GRID2: variants seen among roughly 807,000 people sequenced by gnomAD.
GRID2 encodes the protein glutamate receptor ionotropic, delta-2.
In GRID2, 33 loss-of-function variants were observed where a neutral mutation model predicts 114.8. The ratio of observed to expected loss-of-function variants is 0.29; its 90% CI spans 0.22 to 0.38. The LOEUF (loss-of-function observed/expected upper bound fraction) is 0.38, where lower values mean the gene tolerates loss of function less well. Ranked by LOEUF, GRID2 falls within the 10% of genes least tolerant of loss-of-function variation. GRID2 has a pLI of 1.00. For synonymous variants in GRID2, 505 were observed against 449.9 expected, an observed-to-expected ratio of 1.12 and a Z score of -1.55; for missense variants, 1,184 against 1,257.7, an observed-to-expected ratio of 0.94 and a Z score of 0.89.
intron 2 of GRID2, among the ~76,000 whole-genome samples, chr4:92,630,081 T>G (rs781314442): frequency 1.3e-5 from 2 of 152,068 alleles, no homozygotes; most frequent in African/African-American, 2.4e-5. Flanking sequence ...TGGAAACATT[T>G]CTGCACTCAA....
chr4:93,222,446 CT>C (rs938414451), intron 6 of GRID2, among the ~76,000 whole-genome samples: 7 of 150,166 alleles, frequency 4.7e-5, no homozygotes, highest in South Asian at 2.1e-4. Context: ...CCCCAACAAT[CT>C]TTTTTTTAAA....
intron 3 of GRID2, among the ~76,000 whole-genome samples, chr4:93,108,981 G>T (rs977869903): frequency 2.0e-5 from 3 of 152,172 alleles, no homozygotes; most frequent in African/African-American, 7.2e-5. Flanking sequence ...CCAAGCTTGT[G>T]TATTTTTGAT....
intron 4 of GRID2, among the ~76,000 whole-genome samples, chr4:93,131,020 A>T (rs1019455681): frequency 6.6e-6 from 1 of 152,158 alleles, no homozygotes; most frequent in Non-Finnish European, 1.5e-5. Flanking sequence ...TAACTAAACA[A>T]AAATTTCTTA....
intron 1 of GRID2, among the ~76,000 whole-genome samples, chr4:92,367,603 A>G (rs761749360): frequency 1.3e-5 from 2 of 152,104 alleles, no homozygotes; most frequent in African/African-American, 2.4e-5. Flanking sequence ...ATTGGGCAGA[A>G]AGGGCAAGTT....
chr4:92,648,424 A>G (rs1731753015), intron 2 of GRID2, among the ~76,000 whole-genome samples: 1 of 149,326 alleles, frequency 6.7e-6, no homozygotes, highest in East Asian at 1.9e-4. Context: ...ACCTCTCCAC[A>G]TTATTTCACA....
intron 4 of GRID2, among the ~76,000 whole-genome samples, chr4:93,167,901 A>G (rs979184179): frequency 6.6e-6 from 1 of 152,082 alleles, no homozygotes; most frequent in Non-Finnish European, 1.5e-5. Flanking sequence ...TATAAATATA[A>G]ACATATATAT....
At chr4:92,636,502 C>A (rs915356107) in intron 2 of GRID2, among the ~76,000 whole-genome samples, 2 of 152,034 alleles carry the variant, frequency 1.3e-5, no homozygotes, top group Non-Finnish European at 2.9e-5. Context: ...TTTGTTCTCC[C>A]TCTATCCATC....
intron 13 of GRID2, among the ~76,000 whole-genome samples, chr4:93,590,759 G>C (rs1738179988): frequency 6.6e-6 from 1 of 151,992 alleles, no homozygotes; most frequent in Non-Finnish European, 1.5e-5. Flanking sequence ...TCTCCTTGAA[G>C]AGGTCCTTCA....
intron 3 of GRID2, among the ~76,000 whole-genome samples, chr4:93,109,644 A>G (rs1025821922): frequency 9.2e-5 from 14 of 152,272 alleles, no homozygotes; most frequent in African/African-American, 3.4e-4. Context: ...TAAGTTCCCT[A>G]CAATCCCATT....
chr4:93,352,702 C>T (rs1760923086), intron 8 of GRID2, among the ~76,000 whole-genome samples: 1 of 151,962 alleles, frequency 6.6e-6, no homozygotes, highest in Admixed American at 6.6e-5. Context: ...AATATTTATC[C>T]ATGGGCAACA....
At chr4:93,226,290 G>A (rs528033494) in intron 7 of GRID2, among the ~76,000 whole-genome samples, 2 of 152,174 alleles carry the variant, frequency 1.3e-5, no homozygotes, top group East Asian at 1.9e-4. Flanking sequence ...TCATCATGAC[G>A]CAAATTTCTG....
At chr4:92,590,024 A>G in intron 1 of GRID2, 107 bp from the exon 2 acceptor site, 2 of 720,886 alleles carry the variant, frequency 2.8e-6, no homozygotes, top group Non-Finnish European at 4.8e-6. Flanking sequence ...GCATGCTCTA[A>G]GTGAAAGTAT....
chr4:93,106,324 A>G (rs1026707146), intron 3 of GRID2, among the ~76,000 whole-genome samples: 8 of 152,140 alleles, frequency 5.3e-5, no homozygotes, highest in African/African-American at 1.9e-4. Context: ...TGTTCATTGA[A>G]CAAAACCAAA....
Position 93,200,349 on chromosome 4 carries a change from G to A in GRID2, c.736-7055G>A, listed in dbSNP as rs1013479823. Reference sequence around the variant, plus strand: ...TGGGAGGCCGAGGCGGGCGGATCACGAGGTCAGGAGATCGAGACCATCCTG... The same window carrying A: ...TGGGAGGCCGAGGCGGGCGGATCACAAGGTCAGGAGATCGAGACCATCCTG... On this transcript the variant is annotated intron_variant, in intron 4 of 15. Coordinates refer to ENST00000282020, the MANE Select transcript of GRID2 (RefSeq NM_001510.4). 5.8e-4 allele frequency among the ~76,000 whole-genome samples: 88 copies of A among 152,002 alleles called. 1 individual carries two copies. Among genetic ancestry groups the A allele is most frequent in the Non-Finnish European group, 1.3e-4 (9 of 67,964 alleles).
intron 1 of GRID2, among the ~76,000 whole-genome samples, chr4:92,555,032 A>G (rs1726782554): frequency 6.6e-6 from 1 of 152,184 alleles, no homozygotes; most frequent in African/African-American, 2.4e-5. Context: ...AAATGCAGGG[A>G]ATATTTTTCA....
intron 1 of GRID2, among the ~76,000 whole-genome samples, chr4:92,331,538 G>A (rs942556854): frequency 1.3e-5 from 2 of 152,158 alleles, no homozygotes; most frequent in African/African-American, 4.8e-5. Context: ...AAGGAGGAAG[G>A]AAGAAAGGGA....
intron 1 of GRID2, among the ~76,000 whole-genome samples, chr4:92,449,757 C>T (rs950779893): frequency 7.0e-6 from 1 of 142,566 alleles, no homozygotes; most frequent in Non-Finnish European, 1.5e-5. Flanking sequence ...TCAGGAATCT[C>T]TAGAAGCTTC....
At chr4:92,946,932 C>G (rs1231956565) in intron 2 of GRID2, among the ~76,000 whole-genome samples, 2 of 151,950 alleles carry the variant, frequency 1.3e-5, no homozygotes, top group African/African-American at 4.8e-5. Flanking sequence ...CCTGGAGAAC[C>G]ACTATTCCAT....
intron 14 of GRID2, among the ~76,000 whole-genome samples, chr4:93,727,773 T>C (rs1730074799): frequency 6.6e-6 from 1 of 152,246 alleles, no homozygotes; most frequent in South Asian, 2.1e-4. Context: ...TTTATTCACA[T>C]AGAGGTGTTT....
Sources: gnomAD v4.1 joint callset for allele counts (sites outside exome capture counted in the v4.1 genomes callset) on GRCh38, gnomAD v4.1.1 for gene constraint, MANE v1.5 for transcripts, NCBI Gene and HGNC (gene_info 2026-07-23, HGNC 2026-07-21) for gene names.